Variants in TOX3 observed in about 807,000 individuals in gnomAD.
TOX3 encodes CAG trinucleotide repeat-containing gene F9 protein.
In TOX3, 22 loss-of-function variants were observed where a neutral mutation model predicts 64.3. The ratio of observed to expected loss-of-function variants is 0.34; its 90% confidence interval spans 0.24 to 0.49. The LOEUF is 0.49. TOX3 is among the 20% of genes least tolerant of loss of function. TOX3 has a pLI of 0.99. For missense variants in TOX3, 661 were observed against 714.4 expected, an observed-to-expected ratio of 0.93 and a Z score of 0.85; for synonymous variants, 291 against 273.6, an observed-to-expected ratio of 1.06 and a Z score of -0.63.
chr16:52,514,106 A>T lies in TOX3; in HGVS notation c.87+32531T>A, dbSNP rs552569672. ...TTACATATATTTTTCTTGACGTTTT[A>T]TATGCATTAGGCCTGGCAATGAACT... is the stretch of plus-strand genomic sequence containing the variant. On this transcript the variant is annotated intron_variant, in intron 1 of 6. Transcript: ENST00000219746. 1.1e-4 allele frequency among the ~76,000 whole-genome samples: 17 copies of T among 152,218 alleles called. 1 individual carries two copies. Among genetic ancestry groups the T allele is most frequent in the Admixed American group, 2.0e-4 (3 of 15,282 alleles).
intron 2 of TOX3, 150 bp downstream of exon 2, chr16:52,468,359 C>T: frequency 1.8e-6 from 1 of 571,210 alleles, no homozygotes; most frequent in South Asian, 3.0e-5. Context: ...TTTTCTTTTC[C>T]AATAAGCTTT....
At chr16:52,481,088 C>T (rs966941204) in intron 1 of TOX3, among the ~76,000 whole-genome samples, 6 of 152,188 alleles carry the variant, frequency 3.9e-5, no homozygotes, top group Non-Finnish European at 8.8e-5. Context: ...TCAATCCATA[C>T]ATTAAACATA....
At chr16:52,510,778 AAAG>A (rs71141198) in intron 1 of TOX3, among the ~76,000 whole-genome samples, 11 of 115,142 alleles carry the variant, frequency 9.6e-5, no homozygotes, top group Non-Finnish European at 1.8e-4. Flanking sequence ...AAAAAAAAAA[AAAG>A]AAGAAGAAGA....
chr16:52,494,818 G>A (rs1961796349), intron 1 of TOX3, among the ~76,000 whole-genome samples: 1 of 152,234 alleles, frequency 6.6e-6, no homozygotes, highest in African/African-American at 2.4e-5. Flanking sequence ...TTCTAGAGGA[G>A]AGAGGTTTTT....
chr16:52,467,992 G>C (rs899834154), intron 2 of TOX3, among the ~76,000 whole-genome samples: 3 of 152,100 alleles, frequency 2.0e-5, no homozygotes, highest in African/African-American at 7.2e-5. Flanking sequence ...ACTGTACTGG[G>C]CTGTGGGGAT....
At chr16:52,493,906 T>A (rs976833487) in intron 1 of TOX3, among the ~76,000 whole-genome samples, 1 of 152,242 alleles carries the variant, frequency 6.6e-6, no homozygotes, top group South Asian at 2.1e-4. Flanking sequence ...CCACTGTTGA[T>A]AATTCTCCCT....
At chr16:52,459,615 C>T (rs1233250350) in intron 3 of TOX3, among the ~76,000 whole-genome samples, 1 of 152,130 alleles carries the variant, frequency 6.6e-6, no homozygotes, top group Non-Finnish European at 1.5e-5. Context: ...TAGTCATCAT[C>T]CTGTGAACTT....
At chr16:52,448,067 A>AT (rs1176362360) in intron 4 of TOX3, among the ~76,000 whole-genome samples, 3 of 152,176 alleles carry the variant, frequency 2.0e-5, no homozygotes, top group African/African-American at 4.8e-5. Flanking sequence ...AATCATTATT[A>AT]TTTTTTAAGA....
chr16:52,451,508 CT>C (rs1369942719), intron 3 of TOX3, among the ~76,000 whole-genome samples: 2 of 151,976 alleles, frequency 1.3e-5, no homozygotes, highest in African/African-American at 2.4e-5. Context: ...AAATGACTTA[CT>C]TTAAGACATG....
intron 1 of TOX3, among the ~76,000 whole-genome samples, chr16:52,480,701 C>A (rs1422098870): frequency 6.6e-6 from 1 of 152,292 alleles, no homozygotes; most frequent in East Asian, 1.9e-4. Context: ...AGTGTGAATT[C>A]CACCAAAACA....
In TOX3 at chr16:52,532,020, G is replaced by A. The variant is rs149797611; in HGVS notation, c.87+14617C>T. ...AGAAATTCAAAGGGGAGTTTGGGGG[G>A]CAGTGGGGATACAGGTTGCCCTCTG... On this transcript the variant is annotated intron_variant, in intron 1 of 6. Transcript: ENST00000219746. Among the ~76,000 whole-genome samples the A allele has an allele frequency of 4.6e-4, 70 of 152,280 alleles. 1 individual carries two copies. The East Asian group carries it at 0.011, about 25-fold the overall frequency.
At chr16:52,505,476 G>T (rs577777688) in intron 1 of TOX3, among the ~76,000 whole-genome samples, 1 of 152,210 alleles carries the variant, frequency 6.6e-6, no homozygotes, top group African/African-American at 2.4e-5. Flanking sequence ...TTGACAATTC[G>T]GAAGCATAGG....
At position 52,436,446 on chromosome 16, in the gene TOX3, C is replaced by T. The variant is rs1959757692; in HGVS notation, c.*2779G>A. 6.6e-6 allele frequency among the ~76,000 whole-genome samples: 1 copy of T among 151,940 alleles called. No homozygotes were observed. Among genetic ancestry groups the T allele is most frequent in the Admixed American group, 6.6e-5 (1 of 15,244 alleles). On this transcript the variant is annotated 3_prime_UTR_variant, in exon 7 of 7. Transcript: ENST00000219746. ...TTTCATTATCCTGATTTATTTCTGA[C>T]CTGTAACAAAAGAAAAAGCGCACCA...
chr16:52,461,100 AACAC>A (rs1296400828), intron 3 of TOX3, among the ~76,000 whole-genome samples: 5 of 152,182 alleles, frequency 3.3e-5, no homozygotes, highest in Non-Finnish European at 7.4e-5. Flanking sequence ...GTTAAAAAAA[AACAC>A]ACACAACCCT....
intron 1 of TOX3, among the ~76,000 whole-genome samples, chr16:52,534,564 G>C (rs1217837069): frequency 2.0e-5 from 3 of 151,942 alleles, no homozygotes; most frequent in African/African-American, 7.3e-5. Flanking sequence ...TTGAACCCAG[G>C]AGTTTGAGGC....
chr16:52,483,964 T>C (rs45445397), intron 1 of TOX3, among the ~76,000 whole-genome samples: 20,564 of 152,176 alleles, frequency 0.14, 1,545 homozygotes, highest in East Asian at 0.34. Flanking sequence ...ACTGGAACTA[T>C]ATACAATGTT....
chr16:52,510,992 C>A (rs1596843652), intron 1 of TOX3, among the ~76,000 whole-genome samples: 1 of 152,148 alleles, frequency 6.6e-6, no homozygotes, highest in South Asian at 2.1e-4. Context: ...ATGAGAAAAT[C>A]AAGATCCACT....
rs767390141 is a variant in TOX3 at position 52,439,884 on chromosome 16, G to A, written c.1072C>T (p.Leu358Phe). The change falls in exon 7 of 7, where the codon CTC becomes TTC. Residue 358 changes from leucine (L) to phenylalanine (F), a missense_variant. By Grantham distance (22) the Leu-to-Phe change is conservative. This residue lies in a region of TOX3 where 299 missense variants were observed against 292.1 expected (regional missense o/e 1.02). Transcript: ENST00000219746. ...ASTNLTSSLL[L>F]NTPLSQHGTV... Reference sequence around the variant, plus strand: ...CCATGTTGAGACAGTGGAGTGTTGAGAAGGAGAGAGGATGTTAGATTGGTC... The same window carrying A: ...CCATGTTGAGACAGTGGAGTGTTGAAAAGGAGAGAGGATGTTAGATTGGTC... 4 of 1,613,742 alleles carry A rather than the reference G, an allele frequency of 2.5e-6. No homozygotes were observed. Among genetic ancestry groups the A allele is most frequent in the South Asian group, 1.1e-5 (1 of 91,036 alleles).
At chr16:52,533,693 T>C (rs1470290665) in intron 1 of TOX3, among the ~76,000 whole-genome samples, 3 of 152,144 alleles carry the variant, frequency 2.0e-5, no homozygotes, top group East Asian at 1.9e-4. Flanking sequence ...AAGAGGTAAA[T>C]AAAAATATGT....
Sources: gnomAD v4.1 joint callset for allele counts (sites outside exome capture counted in the v4.1 genomes callset) on GRCh38, gnomAD v4.1.1 for gene constraint, gnomAD v4.1.1 regional missense constraint, MANE v1.5 for transcripts, NCBI Gene and HGNC (gene_info 2026-07-23, HGNC 2026-07-21) for gene names.